Variants in ERGIC1 observed in about 807,000 individuals in gnomAD.
The protein encoded by ERGIC1 is endoplasmic reticulum-Golgi intermediate compartment protein 1.
A neutral mutation model predicts 38.3 loss-of-function variants in ERGIC1; 19 were observed. The ratio of observed to expected loss-of-function variants is 0.50; its 90% CI spans 0.35 to 0.73. ERGIC1 has a LOEUF of 0.73. Ranked by LOEUF, ERGIC1 falls within the 30% of genes least tolerant of loss-of-function variation. The pLI is 0.01. For missense variants in ERGIC1, 294 were observed against 389.2 expected (o/e 0.76, Z 2.06); for synonymous variants, 124 against 157.6 (o/e 0.79, Z 1.60).
At chr5:172,890,056 G>A (rs1016250800) in intron 2 of ERGIC1, among the ~76,000 whole-genome samples, 4 of 152,164 alleles carry the variant, frequency 2.6e-5, no homozygotes, top group African/African-American at 9.7e-5. Flanking sequence ...GGAAAAATAA[G>A]GCCTTTACTG....
intron 2 of ERGIC1, among the ~76,000 whole-genome samples, chr5:172,892,099 G>T (rs1483625305): frequency 1.8e-5 from 2 of 108,972 alleles, no homozygotes; most frequent in Middle Eastern, 5.4e-3. Flanking sequence ...AACTTACAAG[G>T]TCCTGCCAAA....
chr5:172,897,227 G>C (rs1254104093), intron 3 of ERGIC1, among the ~76,000 whole-genome samples, 153 bp downstream of exon 3: 1 of 152,020 alleles, frequency 6.6e-6, no homozygotes, highest in Non-Finnish European at 1.5e-5. Context: ...TCAGGAGTTG[G>C]AGACCAGCCT....
chr5:172,859,630 C>A (rs1201086786), intron 1 of ERGIC1, among the ~76,000 whole-genome samples: 1 of 152,240 alleles, frequency 6.6e-6, no homozygotes. Context: ...TTCTTTGCCA[C>A]CTCTGAGGGA....
intron 1 of ERGIC1, among the ~76,000 whole-genome samples, chr5:172,862,307 CAAAAAAAAA>C (rs58968820): frequency 4.0e-5 from 2 of 49,478 alleles, no homozygotes; most frequent in Non-Finnish European, 6.2e-5. Flanking sequence ...GACTACATCT[CAAAAAAAAA>C]AAAAAAAAAA....
intron 5 of ERGIC1, chr5:172,915,721 T>C: frequency 2.2e-6 from 1 of 448,244 alleles, no homozygotes. Flanking sequence ...AGAGGTTAAG[T>C]GTCTTGCCCG....
chr5:172,914,423 A>G (rs893901182), intron 4 of ERGIC1: 11 of 519,650 alleles, frequency 2.1e-5, no homozygotes, highest in Admixed American at 1.9e-4. Flanking sequence ...AAAGAAACTG[A>G]GGCATCCAGA....
chr5:172,912,013 T>C (rs115924515), intron 4 of ERGIC1, among the ~76,000 whole-genome samples: 3,204 of 151,958 alleles, frequency 0.021, 126 homozygotes, highest in African/African-American at 0.072. Flanking sequence ...TTTGTTGTTA[T>C]TGTTGTTTTT....
intron 9 of ERGIC1, among the ~76,000 whole-genome samples, chr5:172,939,424 T>C (rs1335528189): frequency 1.3e-5 from 2 of 152,194 alleles, no homozygotes; most frequent in African/African-American, 4.8e-5. Context: ...GTATAACATG[T>C]CGTATGAAGT....
chr5:172,880,712 T>C (rs1442211194), intron 1 of ERGIC1, among the ~76,000 whole-genome samples: 2 of 152,220 alleles, frequency 1.3e-5, no homozygotes, highest in Non-Finnish European at 2.9e-5. Flanking sequence ...TTCTCTTCTG[T>C]AAAGCGAACG....
At chr5:172,935,508 C>T (rs370930891) in intron 9 of ERGIC1, 198 bp downstream of exon 9, 13 of 614,134 alleles carry the variant, frequency 2.1e-5, no homozygotes, top group African/African-American at 1.6e-4. Context: ...GTATCGATGA[C>T]GTTTTGTCTA....
chr5:172,852,548 A>G (rs1761437441), intron 1 of ERGIC1, among the ~76,000 whole-genome samples: 1 of 152,206 alleles, frequency 6.6e-6, no homozygotes, highest in African/African-American at 2.4e-5. Context: ...CGTCAGTGAC[A>G]TGAGAGCAGA....
In ERGIC1 at chr5:172,893,894, T is replaced by TACACACAC. The variant is rs1177879942; in HGVS notation, c.83-3107_83-3106insCACACACA. On this transcript the variant is annotated intron_variant, in intron 2 of 9. Coordinates refer to ENST00000393784, the MANE Select transcript of ERGIC1 (RefSeq NM_001031711.3). ...ATATATATATATATATATATATATA[T>TACACACAC]ATATATATATATGTGTGTGTGTGTG... Among the ~76,000 whole-genome samples the TACACACAC allele has an allele frequency of 2.1e-3, 66 of 32,166 alleles. 2 individuals are homozygous for TACACACAC. The highest frequency in any genetic ancestry group is 4.0e-3 in the Non-Finnish European group (57 of 14,158). 21.1% of individuals were successfully genotyped at this position (32,166 alleles called of 152,430 possible).
At chr5:172,884,906 G>T (rs904833413) in intron 1 of ERGIC1, among the ~76,000 whole-genome samples, 6 of 152,052 alleles carry the variant, frequency 3.9e-5, no homozygotes, top group Non-Finnish European at 8.8e-5. Flanking sequence ...ATAATACCAT[G>T]TTTTCACCTC....
chr5:172,850,091 A>G (rs1473393769), intron 1 of ERGIC1, among the ~76,000 whole-genome samples: 1 of 152,182 alleles, frequency 6.6e-6, no homozygotes. Context: ...GAAGGGTCCC[A>G]GGATGGGTTC....
intron 1 of ERGIC1, among the ~76,000 whole-genome samples, chr5:172,885,305 A>AT (rs11404176): frequency 0.74 from 110,381 of 149,690 alleles, 42,142 homozygotes; most frequent in Non-Finnish European, 0.85. Flanking sequence ...AATTTTGTTC[A>AT]TTTTTTTTTG....
chr5:172,890,293 C>A (rs1185197594), intron 2 of ERGIC1, among the ~76,000 whole-genome samples: 6 of 152,084 alleles, frequency 3.9e-5, no homozygotes, highest in Non-Finnish European at 8.8e-5. Flanking sequence ...CATGGCAAGG[C>A]CTTGAAAAAC....
At chr5:172,892,079 T>TTG (rs1561720723) in intron 2 of ERGIC1, among the ~76,000 whole-genome samples, 1 of 150,604 alleles carries the variant, frequency 6.6e-6, no homozygotes, top group African/African-American at 2.4e-5. Context: ...TTTTTTTTTT[T>TTG]TTTTTTTGAA....
chr5:172,871,069 T>C (rs780342436), intron 1 of ERGIC1, among the ~76,000 whole-genome samples: 10 of 152,192 alleles, frequency 6.6e-5, no homozygotes, highest in African/African-American at 9.7e-5. Context: ...GCCGTGCTGT[T>C]GTTTGTGAAT....
At chr5:172,890,584 A>T (rs1762532928) in intron 2 of ERGIC1, among the ~76,000 whole-genome samples, 1 of 152,246 alleles carries the variant, frequency 6.6e-6, no homozygotes, top group Non-Finnish European at 1.5e-5. Context: ...AAAAAGTTTT[A>T]AAAACAAACC....
Sources: allele counts gnomAD v4.1 joint callset (sites outside exome capture counted in the v4.1 genomes callset), GRCh38; gene constraint gnomAD v4.1.1; transcripts MANE v1.5; gene names NCBI Gene and HGNC (gene_info 2026-07-23, HGNC 2026-07-21).